SMC3: variants seen among roughly 807,000 people sequenced by gnomAD.
SMC3 encodes structural maintenance of chromosomes protein 3.
A neutral mutation model predicts 171.8 loss-of-function variants in SMC3; 20 were observed. That is an observed-to-expected ratio of 0.12 (90% CI 0.08 to 0.17). The LOEUF (loss-of-function observed/expected upper bound fraction) is 0.17, where lower values mean the gene tolerates loss of function less well. Ranked by LOEUF, SMC3 falls within the 10% of genes least tolerant of loss-of-function variation. The pLI, the probability that SMC3 is intolerant of heterozygous loss-of-function variation, is 1.00. For synonymous variants in SMC3, 464 were observed against 451.1 expected, an observed-to-expected ratio of 1.03 and a Z score of -0.36; for missense variants, 543 against 1,420.4, an observed-to-expected ratio of 0.38 and a Z score of 9.93.
rs947085440 is a variant in SMC3, at chr10:110,567,764, C to A, written c.-53C>A. The A allele has an allele frequency of 1.2e-6, 2 of 1,611,140 alleles. No individual in the cohort carries two copies. The highest frequency in any genetic ancestry group is 1.7e-6 in the Non-Finnish European group (2 of 1,178,078). ...TAGGCGCCTCACCTGACCCTGCGGC[C>A]GTGCGGTTGCTGCTCCGGGGCAGGT... On this transcript the variant is annotated 5_prime_UTR_variant, in exon 1 of 29. Coordinates refer to ENST00000361804, the MANE Select transcript of SMC3 (RefSeq NM_005445.4).
At chr10:110,594,678 CTTTA>C (rs200951035) in intron 18 of SMC3, among the ~76,000 whole-genome samples, 3,238 of 151,282 alleles carry the variant, frequency 0.021, 42 homozygotes, top group Admixed American at 0.048. Flanking sequence ...TTTTTTTCCT[CTTTA>C]TTTGTTGAAG....
At chr10:110,582,233 C>T (rs1166014835) in intron 9 of SMC3, 135 bp downstream of exon 9, 3 of 822,394 alleles carry the variant, frequency 3.6e-6, no homozygotes, top group African/African-American at 1.7e-5. Flanking sequence ...ATTTATTAGT[C>T]AGCAAGTTTT....
At chr10:110,580,253 A>C (rs968620882) in intron 7 of SMC3, among the ~76,000 whole-genome samples, 1 of 152,152 alleles carries the variant, frequency 6.6e-6, no homozygotes, top group African/African-American at 2.4e-5. Context: ...TCCTAGAACC[A>C]ATCCCCATGG....
Position 110,595,917 on chromosome 10 carries a change from C to CTTTTTT in SMC3, c.1964-464_1964-459dup, listed in dbSNP as rs10639343. Among the ~76,000 whole-genome samples the CTTTTTT allele has an allele frequency of 2.5e-3, 252 of 101,568 alleles. 13 individuals carry two copies. The highest frequency in any genetic ancestry group is 9.3e-3 in the African/African-American group (234 of 25,176). 66.6% of individuals were successfully genotyped at this position (101,568 alleles called of 152,430 possible). On this transcript the variant is annotated intron_variant, in intron 18 of 28. Coordinates refer to ENST00000361804, the MANE Select transcript of SMC3 (RefSeq NM_005445.4). ...AGATGTTCAGGTTCAACTGGAGGTT[C>CTTTTTT]TTTTTTTTTTTTTTTTTTTTTTAAA...
chr10:110,568,548 G>A, intron 1 of SMC3: 1 of 219,876 alleles, frequency 4.5e-6, no homozygotes, highest in South Asian at 6.5e-5. Flanking sequence ...TGGCCGGCGT[G>A]AGTGACTGAA....
intron 18 of SMC3, 37 bp downstream of exon 18, chr10:110,593,260 T>G (rs1861236337): frequency 6.3e-7 from 1 of 1,595,580 alleles, no homozygotes; most frequent in Non-Finnish European, 8.6e-7. Context: ...AACAGATAAA[T>G]TCTAACAAAT....
chr10:110,597,986 A>G (rs189326357), intron 19 of SMC3, among the ~76,000 whole-genome samples, 153 bp from the exon 20 acceptor site: 23 of 152,316 alleles, frequency 1.5e-4, no homozygotes, highest in African/African-American at 5.5e-4. Context: ...TTTGGGTAAT[A>G]TAGTTCAGCA....
At chr10:110,568,205 C>CA in intron 1 of SMC3, 1 of 349,666 alleles carries the variant, frequency 2.9e-6, no homozygotes, top group South Asian at 3.6e-5. Context: ...TGTGGTCCTG[C>CA]AGGGGTGGCC....
intron 9 of SMC3, among the ~76,000 whole-genome samples, chr10:110,582,357 T>C (rs563954216): frequency 2.8e-3 from 37 of 13,278 alleles, no homozygotes; most frequent in East Asian, 0.027. Flanking sequence ...GAAGGCTTCT[T>C]GTAGTTGTAG....
chr10:110,579,197 C>T (rs1860996508), intron 7 of SMC3, among the ~76,000 whole-genome samples: 1 of 152,100 alleles, frequency 6.6e-6, no homozygotes. Flanking sequence ...GCTCTCTTCT[C>T]ATATACTTTC....
chr10:110,585,626 C>T (rs114027216), intron 13 of SMC3, among the ~76,000 whole-genome samples: 1,672 of 151,414 alleles, frequency 0.011, 29 homozygotes, highest in African/African-American at 0.039. Flanking sequence ...TTTGGTATTC[C>T]AGCATCTTAT....
intron 17 of SMC3, among the ~76,000 whole-genome samples, chr10:110,592,312 A>T (rs1417680674): frequency 1.3e-5 from 2 of 152,120 alleles, no homozygotes; most frequent in East Asian, 1.9e-4. Context: ...GGAAGTGATT[A>T]GCACAGTCAT....
chr10:110,581,419 A>G (rs1402943981), intron 8 of SMC3, among the ~76,000 whole-genome samples: 1 of 152,006 alleles, frequency 6.6e-6, no homozygotes, highest in Non-Finnish European at 1.5e-5. Flanking sequence ...GGGTTTCACC[A>G]TGTTGTCCAG....
chr10:110,567,710 G>A lies in SMC3; in HGVS notation c.-107G>A, dbSNP rs568589087. 6 of 1,386,818 alleles carry A rather than the reference G, an allele frequency of 4.3e-6. No individual in the cohort carries two copies. Among genetic ancestry groups the A allele is most frequent in the South Asian group, 3.6e-5 (3 of 84,432 alleles). The allele number at this position is 1,386,818 out of a possible 1,614,324, so 85.9% of individuals were successfully genotyped here. ...CCGCCATTTTGTTTGGCTGAGGGGA[G>A]CGAGCGGCGCTTTGGGGGAGGGGTC... On this transcript the variant is annotated 5_prime_UTR_variant, in exon 1 of 29. Transcript: ENST00000361804.
At chr10:110,603,091 G>A in intron 27 of SMC3, 89 bp downstream of exon 27, 1 of 1,552,014 alleles carries the variant, frequency 6.4e-7, no homozygotes, top group African/African-American at 1.4e-5. Flanking sequence ...AACTCAGGCA[G>A]TTTTGAATTT....
chr10:110,599,281 A>G (rs955072815), intron 20 of SMC3, among the ~76,000 whole-genome samples: 3 of 152,102 alleles, frequency 2.0e-5, no homozygotes, highest in African/African-American at 7.2e-5. Context: ...TATTTTCAGT[A>G]TAGACGGGTT....
chr10:110,601,942 T>C (rs113884323), intron 24 of SMC3, 24 bp from the exon 25 acceptor site: 2 of 1,608,470 alleles, frequency 1.2e-6, no homozygotes, highest in Admixed American at 1.7e-5. Context: ...TTTATTTATA[T>C]GAATACATAT....
intron 2 of SMC3, among the ~76,000 whole-genome samples, chr10:110,572,504 T>C (rs1860887081): frequency 6.6e-6 from 1 of 152,186 alleles, no homozygotes; most frequent in Non-Finnish European, 1.5e-5. Flanking sequence ...AATTAAGACA[T>C]AAGTGATGTT....
In SMC3 at chr10:110,602,037, T is replaced by A. The variant is rs111611128; in HGVS notation, c.2964T>A (p.Asp988Glu). The change falls in exon 25 of 29, where the codon GAT (aspartate) becomes GAA (glutamate). Residue 988 changes from aspartate (D) to glutamate (E), a missense_variant. Physicochemically the swap from Asp to Glu is conservative, Grantham distance 45. Coordinates refer to ENST00000361804, the MANE Select transcript of SMC3 (RefSeq NM_005445.4). Reference sequence around the variant, plus strand: ...GCCATGTTAACAAAAAGGCTTTGGATCAGTTTGTAAATTTCTCCGAGCAGA... The same window carrying A: ...GCCATGTTAACAAAAAGGCTTTGGAACAGTTTGTAAATTTCTCCGAGCAGA... Reference protein sequence around the residue: ...KYSHVNKKALDQFVNFSEQKE... With the variant: ...KYSHVNKKALEQFVNFSEQKE... The A allele has an allele frequency of 6.2e-7, 1 of 1,613,904 alleles. No individual in the cohort carries two copies. Among genetic ancestry groups the A allele is most frequent in the East Asian group, 2.2e-5 (1 of 44,826 alleles).
Sources: allele counts gnomAD v4.1 joint callset (sites outside exome capture counted in the v4.1 genomes callset), GRCh38; gene constraint gnomAD v4.1.1; transcripts MANE v1.5; gene names NCBI Gene and HGNC (gene_info 2026-07-23, HGNC 2026-07-21).